The following PTPRT variants were observed in gnomAD, a reference collection of about 807,000 sequenced individuals.
PTPRT encodes the protein receptor-type tyrosine-protein phosphatase T.
In PTPRT, 56 loss-of-function variants were observed where a neutral mutation model predicts 176.8. The observed-to-expected ratio is 0.32, with a 90% CI of 0.26 to 0.40. PTPRT has a LOEUF of 0.40. Among genes scored for constraint, PTPRT ranks in the 10% least tolerant of loss-of-function variants. PTPRT has a pLI of 1.00. For synonymous variants in PTPRT, 783 were observed against 739.0 expected (o/e 1.06, Z -0.96); for missense variants, 1,540 against 1,908.2 (o/e 0.81, Z 3.60).
At chr20:42,983,744 C>T (rs1261992967) in intron 1 of PTPRT, among the ~76,000 whole-genome samples, 1 of 152,262 alleles carries the variant, frequency 6.6e-6, no homozygotes, top group African/African-American at 2.4e-5. Context: ...CTTCCCCTTC[C>T]ACTTCCACCC....
intron 2 of PTPRT, among the ~76,000 whole-genome samples, chr20:42,864,179 G>A (rs1370472975): frequency 6.6e-6 from 1 of 152,214 alleles, no homozygotes; most frequent in African/African-American, 2.4e-5. Flanking sequence ...GGCCACTCCA[G>A]GGCCTTCTGC....
chr20:42,771,390 T>G (rs770632066), intron 5 of PTPRT, 45 bp downstream of exon 5: 22 of 1,523,972 alleles, frequency 1.4e-5, no homozygotes, highest in Non-Finnish European at 1.9e-5. Flanking sequence ...TTCTTTTCCC[T>G]TTCTCATCCT....
chr20:43,014,829 C>T (rs927565261), intron 1 of PTPRT, among the ~76,000 whole-genome samples: 3 of 152,142 alleles, frequency 2.0e-5, no homozygotes, highest in African/African-American at 7.2e-5. Flanking sequence ...GAATATGACA[C>T]TTTGCATGTC....
At chr20:42,302,753 G>T (rs1037801486) in intron 12 of PTPRT, among the ~76,000 whole-genome samples, 8 of 152,142 alleles carry the variant, frequency 5.3e-5, no homozygotes, top group East Asian at 1.9e-4. Context: ...GGTTTTTGGG[G>T]TTTTATCATC....
At chr20:43,032,598 G>C (rs144181158) in intron 1 of PTPRT, among the ~76,000 whole-genome samples, 1 of 152,052 alleles carries the variant, frequency 6.6e-6, no homozygotes, top group East Asian at 1.9e-4. Context: ...TTGATAAACA[G>C]AGGAAAGCTA....
At chr20:42,761,032 C>G (rs1290861863) in intron 5 of PTPRT, among the ~76,000 whole-genome samples, 1 of 152,136 alleles carries the variant, frequency 6.6e-6, no homozygotes, top group Non-Finnish European at 1.5e-5. Flanking sequence ...TGGAGGAAAA[C>G]AGGTCTGGCA....
chr20:42,547,375 A>G (rs1251497523), intron 7 of PTPRT, among the ~76,000 whole-genome samples: 1 of 152,068 alleles, frequency 6.6e-6, no homozygotes, highest in African/African-American at 2.4e-5. Context: ...TTCTATATGT[A>G]TATGTGATAG....
chr20:42,469,092 C>A (rs908696927), intron 8 of PTPRT, among the ~76,000 whole-genome samples: 1 of 150,450 alleles, frequency 6.6e-6, no homozygotes, highest in Non-Finnish European at 1.5e-5. Context: ...TTTTTTTTTT[C>A]TCCTGTGATT....
At chr20:42,458,255 T>G (rs1418039026) in intron 8 of PTPRT, among the ~76,000 whole-genome samples, 1 of 152,198 alleles carries the variant, frequency 6.6e-6, no homozygotes, top group Non-Finnish European at 1.5e-5. Flanking sequence ...AGAAGAGTGA[T>G]CAAATTGGCA....
intron 4 of PTPRT, among the ~76,000 whole-genome samples, chr20:42,774,685 A>G (rs55651075): frequency 0.3 from 46,109 of 152,136 alleles, 8,912 homozygotes; most frequent in Non-Finnish European, 0.44. Flanking sequence ...ACATTCAGGG[A>G]TGCCCCCACC....
chr20:42,800,403 A>G (rs1163421646), intron 2 of PTPRT, among the ~76,000 whole-genome samples: 3 of 152,206 alleles, frequency 2.0e-5, no homozygotes, highest in African/African-American at 4.8e-5. Flanking sequence ...ACGAACAAAA[A>G]TTAAGTCAGT....
intron 9 of PTPRT, among the ~76,000 whole-genome samples, chr20:42,367,251 A>C (rs562095454): frequency 1.2e-4 from 19 of 152,310 alleles, no homozygotes; most frequent in Non-Finnish European, 1.9e-4. Flanking sequence ...ATGAAGTTGA[A>C]ATGTGTCCAT....
At chr20:42,999,958 G>A (rs1166934781) in intron 1 of PTPRT, among the ~76,000 whole-genome samples, 1 of 151,594 alleles carries the variant, frequency 6.6e-6, no homozygotes, top group Non-Finnish European at 1.5e-5. Flanking sequence ...CAATGAGATG[G>A]GATATGCCCT....
intron 9 of PTPRT, among the ~76,000 whole-genome samples, chr20:42,364,328 T>C (rs2058485163): frequency 6.6e-6 from 1 of 152,182 alleles, no homozygotes; most frequent in East Asian, 1.9e-4. Flanking sequence ...TAAAATAGAA[T>C]TGATTTTCTC....
intron 15 of PTPRT, among the ~76,000 whole-genome samples, chr20:42,226,515 GCAT>G (rs771455953): frequency 2.0e-4 from 30 of 152,280 alleles, no homozygotes; most frequent in Non-Finnish European, 3.4e-4. Flanking sequence ...GCAATCATTA[GCAT>G]CATCATCAAC....
intron 19 of PTPRT, among the ~76,000 whole-genome samples, chr20:42,122,358 T>C (rs1455509263): frequency 2.0e-5 from 3 of 152,158 alleles, no homozygotes; most frequent in African/African-American, 7.2e-5. Flanking sequence ...AGACTAAAAG[T>C]GTATGCAGGC....
intron 1 of PTPRT, among the ~76,000 whole-genome samples, chr20:43,019,343 G>A (rs567284801): frequency 1.4e-4 from 22 of 152,220 alleles, no homozygotes; most frequent in African/African-American, 4.8e-4. Flanking sequence ...GGCTGTGGCC[G>A]GGCACAGTGG....
intron 1 of PTPRT, among the ~76,000 whole-genome samples, chr20:43,187,453 A>G (rs1292669357): frequency 6.6e-6 from 1 of 152,108 alleles, no homozygotes; most frequent in African/African-American, 2.4e-5. Context: ...TGACAAATAC[A>G]GATGTTCATG....
At chr20:42,716,837 C>T (rs1453467019) in intron 6 of PTPRT, among the ~76,000 whole-genome samples, 1 of 152,046 alleles carries the variant, frequency 6.6e-6, no homozygotes, top group African/African-American at 2.4e-5. Context: ...ACATATACAC[C>T]ATGGAATACT....
Sources: allele counts gnomAD v4.1 joint callset (sites outside exome capture counted in the v4.1 genomes callset), GRCh38; gene constraint gnomAD v4.1.1; transcripts MANE v1.5; gene names NCBI Gene and HGNC (gene_info 2026-07-23, HGNC 2026-07-21).